EPRS1: variants seen among roughly 807,000 people sequenced by gnomAD.
The protein encoded by EPRS1 is glutamyl-prolyl-tRNA synthetase 1, also known as bifunctional glutamate/proline--tRNA ligase.
EPRS1 carries 107 observed loss-of-function variants against 188.3 expected under a neutral mutation model. The ratio of observed to expected loss-of-function variants is 0.57; its 90% CI spans 0.49 to 0.67. The LOEUF (loss-of-function observed/expected upper bound fraction) is 0.67. EPRS1 is among the 30% of genes least tolerant of loss of function. EPRS1 has a pLI of 0.00. For missense variants in EPRS1, 1,577 were observed against 1,802.2 expected, an observed-to-expected ratio of 0.88 and a Z score of 2.26; for synonymous variants, 596 against 593.1, an observed-to-expected ratio of 1.00 and a Z score of -0.07.
Position 219,980,736 on chromosome 1 carries a change from T to C in EPRS1, c.3555+20A>G, listed in dbSNP as rs753809197. 1.9e-6 allele frequency: 3 copies of C among 1,541,178 alleles called. No homozygotes were observed. The highest frequency in any genetic ancestry group is 2.2e-5 in the East Asian group (1 of 44,498). On this transcript the variant is annotated intron_variant, in intron 25 of 31. Transcript: ENST00000366923. ...CAAAAATAATGGAACATAGTTAATA[T>C]GGAAAATAACTTTTTATACCTCTTC...
intron 16 of EPRS1, among the ~76,000 whole-genome samples, chr1:220,003,583 A>G (rs953903857): frequency 8.5e-5 from 13 of 152,208 alleles, no homozygotes; most frequent in African/African-American, 3.1e-4. Flanking sequence ...TGTATATGAT[A>G]TGAGAAAGTG....
At chr1:220,017,369 A>G (rs1661741897) in intron 12 of EPRS1, among the ~76,000 whole-genome samples, 1 of 152,222 alleles carries the variant, frequency 6.6e-6, no homozygotes, top group South Asian at 2.1e-4. Flanking sequence ...TATATTTCAG[A>G]TATCTGAAGT....
chr1:220,033,329 T>C (rs1662119890), intron 4 of EPRS1, among the ~76,000 whole-genome samples, 173 bp downstream of exon 4: 1 of 152,128 alleles, frequency 6.6e-6, no homozygotes, highest in South Asian at 2.1e-4. Context: ...CGTAGCTGGA[T>C]AGGAATAAAA....
At chr1:220,044,728 T>C (rs1306458843) in intron 1 of EPRS1, among the ~76,000 whole-genome samples, 2 of 142,698 alleles carry the variant, frequency 1.4e-5, no homozygotes, top group South Asian at 4.4e-4. Context: ...ATCAGGAGCT[T>C]TAACTATAGT....
At chr1:220,012,566 G>T (rs1210902356) in intron 12 of EPRS1, among the ~76,000 whole-genome samples, 1 of 152,220 alleles carries the variant, frequency 6.6e-6, no homozygotes, top group African/African-American at 2.4e-5. Context: ...GGATGGTTAG[G>T]ATCAGGCATA....
chr1:220,011,321 G>T (rs77273147), intron 12 of EPRS1, among the ~76,000 whole-genome samples: 2,669 of 152,194 alleles, frequency 0.018, 81 homozygotes, highest in African/African-American at 0.061. Flanking sequence ...CATAATATTA[G>T]AGTTATTTTG....
At chr1:219,993,835 C>T (rs1022493497) in intron 18 of EPRS1, among the ~76,000 whole-genome samples, 3 of 152,272 alleles carry the variant, frequency 2.0e-5, no homozygotes, top group African/African-American at 7.2e-5. Context: ...CAGGAAGTTA[C>T]TTTCATATTC....
At chr1:219,969,491 C>CTACCAAACCTAAAT (rs1553317690) in intron 30 of EPRS1, among the ~76,000 whole-genome samples, 1 of 152,062 alleles carries the variant, frequency 6.6e-6, no homozygotes, top group Non-Finnish European at 1.5e-5. Context: ...AAATAGTTAT[C>CTACCAAACCTAAAT]AGGAGGAGAA....
At chr1:219,990,948 T>C (rs1375196506) in intron 18 of EPRS1, among the ~76,000 whole-genome samples, 2 of 152,074 alleles carry the variant, frequency 1.3e-5, no homozygotes, top group African/African-American at 4.8e-5. Context: ...CATATACCAA[T>C]ACAAACAGAA....
intron 10 of EPRS1, among the ~76,000 whole-genome samples, chr1:220,019,424 T>C (rs1768677): frequency 0.86 from 131,515 of 152,234 alleles, 57,236 homozygotes; most frequent in African/African-American, 0.97. Context: ...CATAGGACCA[T>C]GAGAATCAGA....
chr1:219,980,246 A>C lies in EPRS1; in HGVS notation c.3556-6T>G. On this transcript the variant is annotated splice_polypyrimidine_tract_variant and splice_region_variant and intron_variant, in intron 25 of 31. Transcript: ENST00000366923. ...AAGTCAAGTATCTGCAAGACCTGTAACATTTTAAATGTAAATGTGTTCAAA... is the reference window on the plus strand; with the variant it reads ...AAGTCAAGTATCTGCAAGACCTGTACCATTTTAAATGTAAATGTGTTCAAA... The C allele has an allele frequency of 1.2e-6, 2 of 1,606,288 alleles. No individual in the cohort carries two copies. Among genetic ancestry groups the C allele is most frequent in the Non-Finnish European group, 1.7e-6 (2 of 1,174,580 alleles).
intron 23 of EPRS1, 135 bp downstream of exon 23, chr1:219,982,637 C>G (rs540396480): frequency 1.5e-6 from 1 of 666,762 alleles, no homozygotes; most frequent in Admixed American, 2.7e-5. Context: ...TGCATTCAAT[C>G]TTCATCAACA....
At chr1:219,983,090 A>G (rs920903766) in intron 22 of EPRS1, 99 bp downstream of exon 22, 3 of 976,460 alleles carry the variant, frequency 3.1e-6, no homozygotes, top group Non-Finnish European at 3.1e-6. Context: ...TTTAATAAAA[A>G]TGGCTTTATA....
Position 219,969,040 on chromosome 1 carries a change from C to G in EPRS1, c.4388+18G>C. 6.2e-7 allele frequency: 1 copy of G among 1,612,390 alleles called. No homozygotes were observed. The highest frequency in any genetic ancestry group is 1.1e-5 in the South Asian group (1 of 91,046). ...CCATTGCAATTTTTCAAAAGTTTTG[C>G]CAGTTAATTAGGTTTACCTGGCAGT... On this transcript the variant is annotated intron_variant, in intron 31 of 31. Coordinates refer to ENST00000366923, the MANE Select transcript of EPRS1 (RefSeq NM_004446.3).
Position 220,025,220 on chromosome 1 carries a change from T to G in EPRS1, c.662A>C (p.Asn221Thr). The G allele has an allele frequency of 6.2e-7, 1 of 1,612,066 alleles. No homozygotes were observed. Among genetic ancestry groups the G allele is most frequent in the Non-Finnish European group, 8.5e-7 (1 of 1,178,978 alleles). ...HIGHAKAALLNQHYQVNFKGK... is the reference protein window; with the variant it reads ...HIGHAKAALLTQHYQVNFKGK... ...TTTAAAGTTAACCTGGTAGTGCTGG[T>G]TCAGAAGAGCAGCTTTTGCATGCCC... The change falls in exon 7 of 32, where the codon AAC becomes ACC. Residue 221 changes from asparagine to threonine, a missense_variant. Around this residue, in one of 3 missense-constraint regions of EPRS1, gnomAD observed 1,278 missense variants for 1,457.4 expected, o/e 0.88. Coordinates refer to ENST00000366923, the MANE Select transcript of EPRS1 (RefSeq NM_004446.3).
intron 13 of EPRS1, among the ~76,000 whole-genome samples, chr1:220,009,705 T>A (rs1292135061): frequency 6.7e-6 from 1 of 150,312 alleles, no homozygotes; most frequent in African/African-American, 2.5e-5. Context: ...AAAAAAAAAA[T>A]CTTGTTTTGC....
chr1:219,986,965 G>T (rs1405349680), intron 20 of EPRS1, among the ~76,000 whole-genome samples, 177 bp downstream of exon 20: 1 of 150,620 alleles, frequency 6.6e-6, no homozygotes, highest in African/African-American at 2.5e-5. Context: ...CCAAACAAAC[G>T]TGTTACCTAT....
intron 16 of EPRS1, among the ~76,000 whole-genome samples, chr1:220,004,563 T>C (rs967514480): frequency 3.9e-5 from 6 of 151,952 alleles, no homozygotes; most frequent in African/African-American, 1.2e-4. Context: ...CAGAGTTTGC[T>C]GAGTGAAAAA....
intron 9 of EPRS1, among the ~76,000 whole-genome samples, chr1:220,021,981 A>T (rs1661885920): frequency 1.3e-5 from 2 of 152,206 alleles, no homozygotes; most frequent in South Asian, 4.1e-4. Context: ...GGAAGTTTTC[A>T]ATACTATTAC....
Sources: gnomAD v4.1 joint callset for allele counts (sites outside exome capture counted in the v4.1 genomes callset) on GRCh38, gnomAD v4.1.1 for gene constraint, gnomAD v4.1.1 regional missense constraint, MANE v1.5 for transcripts, NCBI Gene and HGNC (gene_info 2026-07-23, HGNC 2026-07-21) for gene names.